XXYLT1: variants seen among roughly 807,000 people sequenced by gnomAD.
XXYLT1 encodes xyloside xylosyltransferase 1.
In XXYLT1, 20 loss-of-function variants were observed where a neutral mutation model predicts 28.9. The observed-to-expected ratio is 0.69, with a 90% CI of 0.49 to 1.00. The LOEUF is 1.00. Ranked by LOEUF, XXYLT1 falls within the 50% of genes least tolerant of loss-of-function variation. The pLI, the probability that XXYLT1 is intolerant of heterozygous loss-of-function variation, is 0.00. For missense variants in XXYLT1, 542 were observed against 560.1 expected (o/e 0.97, Z 0.33); for synonymous variants, 257 against 253.8 (o/e 1.01, Z -0.12).
At chr3:195,070,436 C>A (rs1714738656) in intron 3 of XXYLT1, among the ~76,000 whole-genome samples, 1 of 151,974 alleles carries the variant, frequency 6.6e-6, no homozygotes, top group Non-Finnish European at 1.5e-5. Flanking sequence ...TGAGATGATA[C>A]ATCATTTCAC....
chr3:195,226,783 C>A lies in XXYLT1; in HGVS notation c.578G>T (p.Ser193Ile). 6.2e-7 allele frequency: 1 copy of A among 1,613,772 alleles called. No homozygotes were observed. The highest frequency in any genetic ancestry group is 2.2e-5 in the East Asian group (1 of 44,834). Residue 193 changes from serine to isoleucine, a missense_variant, in exon 2 of 4, where the codon AGT becomes ATT. Transcript: ENST00000310380. ...ACTGTAGTAGGTTCCCAAGCCAGCACTGAAGTGCTTCTGCATGGCCTCCAC... is the reference window on the plus strand; with the variant it reads ...ACTGTAGTAGGTTCCCAAGCCAGCAATGAAGTGCTTCTGCATGGCCTCCAC... ...PIVEAMQKHF[S>I]AGLGTYYSDS...
At chr3:195,088,229 G>A (rs1024477789) in intron 3 of XXYLT1, among the ~76,000 whole-genome samples, 2 of 151,534 alleles carry the variant, frequency 1.3e-5, no homozygotes, top group Admixed American at 6.6e-5. Flanking sequence ...ACCTCTGGGG[G>A]CAGGGCACAG....
At chr3:195,138,401 T>G (rs1719306659) in intron 3 of XXYLT1, among the ~76,000 whole-genome samples, 1 of 152,146 alleles carries the variant, frequency 6.6e-6, no homozygotes, top group Admixed American at 6.6e-5. Context: ...CCTTGACTAA[T>G]AAGGTCATAG....
At chr3:195,113,943 G>C (rs532399920) in intron 3 of XXYLT1, among the ~76,000 whole-genome samples, 2 of 152,304 alleles carry the variant, frequency 1.3e-5, no homozygotes, top group East Asian at 3.9e-4. Flanking sequence ...GTGAAGAGAA[G>C]TCCCTCCAGG....
chr3:195,233,636 AACT>A (rs1442127885), intron 1 of XXYLT1, among the ~76,000 whole-genome samples: 1 of 152,166 alleles, frequency 6.6e-6, no homozygotes, highest in Non-Finnish European at 1.5e-5. Context: ...GCAAAAAGAA[AACT>A]AATAAAAACT....
intron 3 of XXYLT1, among the ~76,000 whole-genome samples, chr3:195,106,201 AT>A (rs1717071513): frequency 6.6e-6 from 1 of 152,132 alleles, no homozygotes; most frequent in South Asian, 2.1e-4. Context: ...ATACACTGCC[AT>A]TCTGTCATTC....
chr3:195,083,656 A>G (rs1231045249), intron 3 of XXYLT1, among the ~76,000 whole-genome samples: 1 of 152,186 alleles, frequency 6.6e-6, no homozygotes, highest in Non-Finnish European at 1.5e-5. Flanking sequence ...CTATATGTAC[A>G]TTATCTCAAT....
At chr3:195,211,402 A>C (rs1321182466) in intron 2 of XXYLT1, among the ~76,000 whole-genome samples, 1 of 152,184 alleles carries the variant, frequency 6.6e-6, no homozygotes, top group Non-Finnish European at 1.5e-5. Flanking sequence ...CAAAAGAAGA[A>C]AAAGGGCGAA....
intron 1 of XXYLT1, among the ~76,000 whole-genome samples, chr3:195,230,473 GGA>G (rs1163161302): frequency 6.6e-6 from 1 of 152,172 alleles, no homozygotes; most frequent in Non-Finnish European, 1.5e-5. Flanking sequence ...CCAATGTCCT[GGA>G]GAGTTTCCCC....
At chr3:195,153,829 C>T (rs1720411639) in intron 3 of XXYLT1, 1 of 152,224 alleles carries the variant, frequency 6.6e-6, no homozygotes, top group East Asian at 1.9e-4. Context: ...GCATTTAATA[C>T]TTAGCCCAGT....
chr3:195,233,643 A>G (rs888167298), intron 1 of XXYLT1, among the ~76,000 whole-genome samples: 4 of 152,092 alleles, frequency 2.6e-5, no homozygotes, highest in African/African-American at 9.7e-5. Context: ...GAAAACTAAT[A>G]AAAACTCTAT....
At chr3:195,112,826 A>G (rs1717844710) in intron 3 of XXYLT1, among the ~76,000 whole-genome samples, 1 of 142,984 alleles carries the variant, frequency 7.0e-6, no homozygotes, top group African/African-American at 2.7e-5. Flanking sequence ...CAGCTGAAGC[A>G]GCGCACACAC....
At chr3:195,112,859 A>G (rs1717849290) in intron 3 of XXYLT1, among the ~76,000 whole-genome samples, 1 of 128,844 alleles carries the variant, frequency 7.8e-6, no homozygotes, top group Non-Finnish European at 1.8e-5. Flanking sequence ...ACACGCATGC[A>G]CACACATGCA....
At chr3:195,244,421 GA>G (rs1414872441) in intron 1 of XXYLT1, among the ~76,000 whole-genome samples, 6 of 152,188 alleles carry the variant, frequency 3.9e-5, no homozygotes, top group African/African-American at 1.4e-4. Context: ...ACTGAGCACA[GA>G]GATTCTGAGT....
At chr3:195,212,018 G>A (rs1030495464) in intron 2 of XXYLT1, among the ~76,000 whole-genome samples, 1 of 148,450 alleles carries the variant, frequency 6.7e-6, no homozygotes, top group Non-Finnish European at 1.5e-5. Flanking sequence ...AGATCTGGAG[G>A]AGGAGAGGGG....
intron 3 of XXYLT1, among the ~76,000 whole-genome samples, chr3:195,110,793 T>G: frequency 7.0e-6 from 1 of 143,280 alleles, no homozygotes; most frequent in Non-Finnish European, 1.5e-5. Context: ...TATAAGTGTA[T>G]GTGGTGTATG....
intron 2 of XXYLT1, among the ~76,000 whole-genome samples, chr3:195,206,068 A>G (rs1321817893): frequency 1.5e-5 from 2 of 136,040 alleles, no homozygotes; most frequent in African/African-American, 5.7e-5. Context: ...TCTGTCACCC[A>G]GCCTGGAGTG....
At chr3:195,083,165 CT>C (rs1354707304) in intron 3 of XXYLT1, among the ~76,000 whole-genome samples, 1 of 152,168 alleles carries the variant, frequency 6.6e-6, no homozygotes, top group African/African-American at 2.4e-5. Flanking sequence ...TAGTGCTTGC[CT>C]TTTCCTACGC....
rs56022005 is a variant in XXYLT1, at chr3:195,177,936, T to TAAAA, written c.653-21359_653-21356dup. Among the ~76,000 whole-genome samples, 91 of 115,602 alleles carry TAAAA rather than the reference T, an allele frequency of 7.9e-4. 1 individual carries two copies. Among genetic ancestry groups the TAAAA allele is most frequent in the African/African-American group, 3.0e-3 (85 of 27,970 alleles). 75.8% of individuals were successfully genotyped at this position (115,602 alleles called of 152,430 possible). A position where few individuals can be genotyped will look rare whatever the true frequency, so the allele number is the denominator to read the frequency against. ...AGTGACAGAGCAAGGCTCTGTCTCTTAAAAAAAAAAAAAAAAAAAAAGAGG... is the reference window on the plus strand; with the variant it reads ...AGTGACAGAGCAAGGCTCTGTCTCTTAAAAAAAAAAAAAAAAAAAAAAAAAGAGG... On this transcript the variant is annotated intron_variant, in intron 2 of 3. Coordinates refer to ENST00000310380, the MANE Select transcript of XXYLT1 (RefSeq NM_152531.5).
Sources: allele counts gnomAD v4.1 joint callset (sites outside exome capture counted in the v4.1 genomes callset), GRCh38; gene constraint gnomAD v4.1.1; transcripts MANE v1.5; gene names NCBI Gene and HGNC (gene_info 2026-07-23, HGNC 2026-07-21).